CFH: variants seen among roughly 807,000 people sequenced by gnomAD.
The protein encoded by CFH is H factor 1 (complement).
A neutral mutation model predicts 147.3 loss-of-function variants in CFH; 53 were observed. The observed-to-expected ratio is 0.36, with a 90% CI of 0.29 to 0.45. The LOEUF (loss-of-function observed/expected upper bound fraction) is 0.45. Among genes scored for constraint, CFH ranks in the 20% least tolerant of loss-of-function variants. The probability of loss-of-function intolerance (pLI) is 1.00; values close to 1 mark genes in which losing one functional copy is unlikely to be tolerated. For missense variants in CFH, 1,380 were observed against 1,498.0 expected (o/e 0.92, Z 1.30); for synonymous variants, 536 against 489.4 (o/e 1.10, Z -1.26).
rs961436321 is a variant in CFH, at chr1:196,700,690, G to A, written c.1336+10451G>A. Reference sequence around the variant, plus strand: ...AAAAGAAAAGAAAAAAAAATTCATGGCAAGCCACTCTCCTTGCAGTCATTT... The same window carrying A: ...AAAAGAAAAGAAAAAAAAATTCATGACAAGCCACTCTCCTTGCAGTCATTT... On this transcript the variant is annotated intron_variant, in intron 9 of 21. Coordinates refer to ENST00000367429, the MANE Select transcript of CFH (RefSeq NM_000186.4). The A allele has an allele frequency of 2.4e-5, 6 of 255,142 alleles. No individual in the cohort carries two copies. The Admixed American group carries it at 3.3e-4, about 14-fold the overall frequency. 15.8% of individuals were successfully genotyped at this position (255,142 alleles called of 1,614,324 possible).
At chr1:196,676,801 G>A (rs994508739) in intron 4 of CFH, among the ~76,000 whole-genome samples, 2 of 152,014 alleles carry the variant, frequency 1.3e-5, no homozygotes, top group Non-Finnish European at 2.9e-5. Context: ...AAGATTAATG[G>A]TCTAGGGAAC....
Position 196,740,589 on chromosome 1 carries a change from T to G in CFH, c.2783-30T>G, listed in dbSNP as rs760020744. 4 of 1,609,660 alleles carry G rather than the reference T, an allele frequency of 2.5e-6. No individual in the cohort carries two copies. The Admixed American group carries it at 6.7e-5, about 27-fold the overall frequency. On this transcript the variant is annotated intron_variant, in intron 17 of 21. Transcript: ENST00000367429. ...ATATAAAATTAAATTTATGAGTTAG[T>G]GAAACCTGAATTCATTCTTTTTTTT...
chr1:196,711,737 T>C (rs1382941959), intron 9 of CFH, among the ~76,000 whole-genome samples: 1 of 152,092 alleles, frequency 6.6e-6, no homozygotes, highest in African/African-American at 2.4e-5. Flanking sequence ...CTACTCTGAT[T>C]GATTCCATTT....
intron 1 of CFH, among the ~76,000 whole-genome samples, chr1:196,670,352 A>T (rs1667236127): frequency 6.6e-6 from 1 of 152,120 alleles, no homozygotes; most frequent in Non-Finnish European, 1.5e-5. Flanking sequence ...AAGGGGCAGA[A>T]TAATATGGTT....
At chr1:196,678,559 A>T (rs1289425366) in intron 5 of CFH, 1 of 152,054 alleles carries the variant, frequency 6.6e-6, no homozygotes, top group Non-Finnish European at 1.5e-5. Flanking sequence ...ATAGTTCTTT[A>T]TGTTAAATCT....
At chr1:196,729,697 C>T (rs994532701) in intron 15 of CFH, among the ~76,000 whole-genome samples, 1 of 150,120 alleles carries the variant, frequency 6.7e-6, no homozygotes, top group Non-Finnish European at 1.5e-5. Flanking sequence ...TGTTATAATT[C>T]AGCAATGAAG....
intron 9 of CFH, 29 bp from the exon 10 acceptor site, chr1:196,713,706 T>G (rs763588137): frequency 9.4e-6 from 13 of 1,375,774 alleles, no homozygotes; most frequent in Non-Finnish European, 1.3e-5. Flanking sequence ...ATCATATGCT[T>G]GTCTTTTTCT....
intron 9 of CFH, among the ~76,000 whole-genome samples, chr1:196,703,731 TG>T (rs1228336433): frequency 6.6e-6 from 1 of 152,038 alleles, no homozygotes; most frequent in Non-Finnish European, 1.5e-5. Context: ...ACTCCTGTAA[TG>T]CCAGCACCTT....
chr1:196,668,482 G>C (rs985788414), intron 1 of CFH, among the ~76,000 whole-genome samples: 4 of 152,082 alleles, frequency 2.6e-5, no homozygotes, highest in Admixed American at 2.6e-4. Flanking sequence ...ATATGGTTTG[G>C]CTCTGTGTCC....
At chr1:196,706,298 A>C (rs1188760044) in intron 9 of CFH, among the ~76,000 whole-genome samples, 3 of 152,170 alleles carry the variant, frequency 2.0e-5, no homozygotes, top group Non-Finnish European at 4.4e-5. Context: ...AAAAACAATT[A>C]AGCATGCTAA....
At chr1:196,668,700 CTCT>C (rs1005744736) in intron 1 of CFH, among the ~76,000 whole-genome samples, 2 of 152,180 alleles carry the variant, frequency 1.3e-5, no homozygotes, top group African/African-American at 4.8e-5. Flanking sequence ...AGAAGATCCT[CTCT>C]TCTTCTTCAC....
At chr1:196,729,113 A>G (rs145035620) in intron 15 of CFH, among the ~76,000 whole-genome samples, 1 of 152,154 alleles carries the variant, frequency 6.6e-6, no homozygotes, top group South Asian at 2.1e-4. Context: ...GTATTTTGCT[A>G]TCCAATTGTG....
chr1:196,690,481 T>C, intron 9 of CFH: 1 of 565,994 alleles, frequency 1.8e-6, no homozygotes, highest in Non-Finnish European at 3.2e-6. Flanking sequence ...TAAAAGAATT[T>C]GAACACAATA....
intron 9 of CFH, among the ~76,000 whole-genome samples, chr1:196,694,699 A>G (rs186838585): frequency 4.7e-4 from 71 of 152,306 alleles, no homozygotes; most frequent in Admixed American, 3.5e-3. Context: ...CGGCATTCTA[A>G]CTGGCGTGAA....
chr1:196,723,810 T>C (rs35908703), intron 11 of CFH, among the ~76,000 whole-genome samples: 5,359 of 152,126 alleles, frequency 0.035, 147 homozygotes, highest in Non-Finnish European at 0.055. Context: ...CCTGGCTTCA[T>C]TGGGCACATG....
intron 1 of CFH, among the ~76,000 whole-genome samples, chr1:196,653,843 T>C (rs936172997): frequency 4.6e-5 from 7 of 152,136 alleles, no homozygotes; most frequent in African/African-American, 1.7e-4. Context: ...GATATAAATC[T>C]GATTATTTCC....
At chr1:196,676,758 G>T (rs1667471456) in intron 4 of CFH, among the ~76,000 whole-genome samples, 1 of 152,046 alleles carries the variant, frequency 6.6e-6, no homozygotes, top group South Asian at 2.1e-4. Flanking sequence ...GAAAATAATG[G>T]AAGATTTTTT....
At chr1:196,717,077 A>G (rs1232972567) in intron 11 of CFH, among the ~76,000 whole-genome samples, 2 of 152,084 alleles carry the variant, frequency 1.3e-5, no homozygotes, top group Admixed American at 1.3e-4. Flanking sequence ...ATGGGGAAAA[A>G]AGGAGGACCC....
intron 9 of CFH, among the ~76,000 whole-genome samples, chr1:196,693,210 G>A (rs1271661376): frequency 6.6e-6 from 1 of 151,972 alleles, no homozygotes; most frequent in East Asian, 1.9e-4. Context: ...AAACATACTT[G>A]AGTGAGTACA....
Sources: allele counts gnomAD v4.1 joint callset (sites outside exome capture counted in the v4.1 genomes callset), GRCh38; gene constraint gnomAD v4.1.1; transcripts MANE v1.5; gene names NCBI Gene and HGNC (gene_info 2026-07-23, HGNC 2026-07-21).